PCDH9: variants seen among roughly 807,000 people sequenced by gnomAD.
PCDH9 encodes the protein protocadherin 9, also known as protocadherin-9.
In PCDH9, 24 loss-of-function variants were observed where a neutral mutation model predicts 70.6. The observed-to-expected ratio is 0.34, with a 90% CI of 0.25 to 0.48. The LOEUF is 0.48. Among genes scored for constraint, PCDH9 ranks in the 20% least tolerant of loss-of-function variants. The probability of loss-of-function intolerance (pLI) is 0.99; values close to 1 mark genes in which losing one functional copy is unlikely to be tolerated. For missense variants in PCDH9, 1,281 were observed against 1,503.6 expected (o/e 0.85, Z 2.45); for synonymous variants, 562 against 558.5 (o/e 1.01, Z -0.09).
At chr13:66,693,706 C>A (rs969968485) in intron 3 of PCDH9, among the ~76,000 whole-genome samples, 1 of 152,104 alleles carries the variant, frequency 6.6e-6, no homozygotes, top group African/African-American at 2.4e-5. Context: ...CAAATTATAT[C>A]TTCCTTAATA....
chr13:66,923,877 T>C (rs2082676652), intron 2 of PCDH9, among the ~76,000 whole-genome samples: 1 of 151,834 alleles, frequency 6.6e-6, no homozygotes, highest in African/African-American at 2.4e-5. Context: ...AACTATTTTA[T>C]GAAAATGTCC....
At chr13:66,445,422 A>G (rs1341578612) in intron 4 of PCDH9, among the ~76,000 whole-genome samples, 1 of 146,468 alleles carries the variant, frequency 6.8e-6, no homozygotes, top group Non-Finnish European at 1.5e-5. Context: ...ACCTATACAG[A>G]TAAATTAATA....
intron 2 of PCDH9, among the ~76,000 whole-genome samples, chr13:67,055,848 T>A (rs982987573): frequency 6.6e-6 from 1 of 151,698 alleles, no homozygotes; most frequent in Non-Finnish European, 1.5e-5. Context: ...ATACAAACAG[T>A]GCAATAATTA....
intron 2 of PCDH9, among the ~76,000 whole-genome samples, chr13:66,980,477 A>G (rs112884475): frequency 1.5e-4 from 23 of 152,288 alleles, no homozygotes; most frequent in African/African-American, 5.3e-4. Context: ...AACCAATTTA[A>G]TCTCTGCCCT....
chr13:67,148,777 A>C (rs757561120), intron 2 of PCDH9, among the ~76,000 whole-genome samples: 12 of 152,224 alleles, frequency 7.9e-5, no homozygotes, highest in Non-Finnish European at 1.5e-4. Flanking sequence ...ATATTCTTAA[A>C]GGTTTCAGTC....
chr13:66,523,587 T>G (rs1228987485), intron 4 of PCDH9, among the ~76,000 whole-genome samples: 2 of 151,928 alleles, frequency 1.3e-5, no homozygotes, highest in Admixed American at 1.3e-4. Flanking sequence ...CACACACATA[T>G]GTACACAGAT....
rs565784586 is a variant in PCDH9 at position 66,743,681 on chromosome 13, CAT to C, written c.3139-112272_3139-112271del. ...ACTATAAAAACAAATATGAGTAACA[CAT>C]ATGTTAAATAGCTTGATCTAGCTAT... On this transcript the variant is annotated intron_variant, in intron 3 of 4. Coordinates refer to ENST00000377865, the MANE Select transcript of PCDH9 (RefSeq NM_203487.3). Among the ~76,000 whole-genome samples, 792 of 152,044 alleles carry C rather than the reference CAT, an allele frequency of 5.2e-3. 11 individuals are homozygous for C. The highest frequency in any genetic ancestry group is 0.018 in the African/African-American group (763 of 41,466).
intron 4 of PCDH9, among the ~76,000 whole-genome samples, chr13:66,428,756 A>G (rs1475979178): frequency 6.6e-6 from 1 of 151,818 alleles, no homozygotes; most frequent in African/African-American, 2.4e-5. Context: ...CTTACTTTTC[A>G]TAAATTAGAT....
rs2138157217 is a variant in PCDH9, at chr13:67,229,784, G to C, written c.-140C>G. Reference sequence around the variant, plus strand: ...CATGCGAAACTTTACACTTACGTTAGTTGCCTCAACCTTTCCCCTTTCCCA... The same window carrying C: ...CATGCGAAACTTTACACTTACGTTACTTGCCTCAACCTTTCCCCTTTCCCA... On this transcript the variant is annotated 5_prime_UTR_variant, in exon 1 of 5. Transcript: ENST00000377865. 6.6e-6 allele frequency: 1 copy of C among 152,370 alleles called. No homozygotes were observed. Among genetic ancestry groups the C allele is most frequent in the South Asian group, 2.1e-4 (1 of 4,832 alleles). 9.4% of individuals were successfully genotyped at this position (152,370 alleles called of 1,614,324 possible). A position where few individuals can be genotyped will look rare whatever the true frequency, so the allele number is the denominator to read the frequency against.
At chr13:66,933,344 A>G (rs1223424935) in intron 2 of PCDH9, among the ~76,000 whole-genome samples, 1 of 152,190 alleles carries the variant, frequency 6.6e-6, no homozygotes, top group African/African-American at 2.4e-5. Flanking sequence ...AAATTTCTCA[A>G]TTTCTCAGCT....
At chr13:66,752,729 T>TG (rs200235890) in intron 3 of PCDH9, among the ~76,000 whole-genome samples, 2,233 of 152,326 alleles carry the variant, frequency 0.015, 66 homozygotes, top group African/African-American at 0.051. Flanking sequence ...AAGAGGGTGT[T>TG]GCAGTTGTCT....
intron 3 of PCDH9, among the ~76,000 whole-genome samples, chr13:66,817,049 A>T (rs569162407): frequency 9.5e-4 from 144 of 152,068 alleles, no homozygotes; most frequent in African/African-American, 3.4e-3. Flanking sequence ...AAATTTAAAA[A>T]GCAATATAGC....
At chr13:66,939,007 C>A (rs1325952689) in intron 2 of PCDH9, among the ~76,000 whole-genome samples, 1 of 151,916 alleles carries the variant, frequency 6.6e-6, no homozygotes, top group Non-Finnish European at 1.5e-5. Context: ...ATTAAAAAGG[C>A]ATATCAATTT....
intron 2 of PCDH9, among the ~76,000 whole-genome samples, chr13:67,158,115 G>A (rs190957457): frequency 1.5e-4 from 23 of 152,168 alleles, no homozygotes; most frequent in African/African-American, 2.6e-4. Flanking sequence ...GCAAGCTTTC[G>A]TGATACATAA....
At chr13:67,059,878 T>G (rs1344510376) in intron 2 of PCDH9, among the ~76,000 whole-genome samples, 1 of 40,832 alleles carries the variant, frequency 2.4e-5, no homozygotes, top group African/African-American at 9.1e-5. Context: ...GTTTTTTGTT[T>G]TTTGTTGTTT....
At chr13:66,968,143 TA>T in intron 2 of PCDH9, among the ~76,000 whole-genome samples, 1 of 152,220 alleles carries the variant, frequency 6.6e-6, no homozygotes, top group African/African-American at 2.4e-5. Flanking sequence ...AAAAGAAGTT[TA>T]TTTTTTTCCA....
chr13:67,029,677 T>G (rs2084865113), intron 2 of PCDH9, among the ~76,000 whole-genome samples: 1 of 152,212 alleles, frequency 6.6e-6, no homozygotes, highest in Admixed American at 6.5e-5. Context: ...ACTAAGCTTA[T>G]TCATCATTTT....
chr13:66,647,711 A>G (rs957370290), intron 3 of PCDH9, among the ~76,000 whole-genome samples: 4 of 152,214 alleles, frequency 2.6e-5, no homozygotes, highest in African/African-American at 9.6e-5. Flanking sequence ...CAGCTTATGT[A>G]CCAGCTCAAC....
chr13:66,608,395 A>G (rs1179858381), intron 4 of PCDH9, among the ~76,000 whole-genome samples: 11 of 152,186 alleles, frequency 7.2e-5, no homozygotes, highest in Admixed American at 7.2e-4. Flanking sequence ...TCACATACTT[A>G]TGTTCACACA....
Sources: allele counts gnomAD v4.1 joint callset (sites outside exome capture counted in the v4.1 genomes callset), GRCh38; gene constraint gnomAD v4.1.1; transcripts MANE v1.5; gene names NCBI Gene and HGNC (gene_info 2026-07-23, HGNC 2026-07-21).